The following DLGAP2 variants were observed in gnomAD, a reference collection of about 807,000 sequenced individuals.
DLGAP2 encodes disks large-associated protein 2.
A neutral mutation model predicts 100.3 loss-of-function variants in DLGAP2; 26 were observed. The ratio of observed to expected loss-of-function variants is 0.26; its 90% confidence interval spans 0.19 to 0.36. The LOEUF is 0.36. DLGAP2 is among the 10% of genes least tolerant of loss of function. DLGAP2 has a pLI of 1.00. For missense variants in DLGAP2, 1,858 were observed against 1,453.2 expected (o/e 1.28, Z -4.53); for synonymous variants, 886 against 630.1 (o/e 1.41, Z -6.08).
chr8:1,513,766 A>G lies in DLGAP2; in HGVS notation c.172+12335A>G, dbSNP rs149920807. ...TGTGTAAGTTACAAAAATAATACAG[A>G]GAAATCCTGGGCACCCTTCCCCCAG... is the stretch of plus-strand genomic sequence containing the variant. On this transcript the variant is annotated intron_variant, in intron 4 of 14. Coordinates refer to ENST00000637795, the MANE Select transcript of DLGAP2 (RefSeq NM_001346810.2). 4.5e-3 allele frequency among the ~76,000 whole-genome samples: 683 copies of G among 152,338 alleles called. 3 individuals carry two copies. Among genetic ancestry groups the G allele is most frequent in the East Asian group, 0.012 (62 of 5,192 alleles).
intron 2 of DLGAP2, among the ~76,000 whole-genome samples, chr8:1,042,055 A>C (rs1802370525): frequency 6.6e-6 from 1 of 152,192 alleles, no homozygotes. Flanking sequence ...CAGAACGGCC[A>C]GGGAGTGTCT....
intron 2 of DLGAP2, among the ~76,000 whole-genome samples, chr8:946,409 G>A (rs1449627949): frequency 5.3e-5 from 8 of 151,858 alleles, no homozygotes; most frequent in African/African-American, 1.2e-4. Flanking sequence ...GACTACAGGC[G>A]CCCGCCACCA....
In DLGAP2 at chr8:1,010,853, C is replaced by A. The variant is rs193219598; in HGVS notation, c.73+102887C>A. Among the ~76,000 whole-genome samples, 70 of 152,360 alleles carry A rather than the reference C, an allele frequency of 4.6e-4. 1 individual carries two copies. The highest frequency in any genetic ancestry group is 3.4e-3 in the Middle Eastern group (1 of 294). ...ATCACGGGGCTCCTCTCCTCTGGGT[C>A]CAGCCACAGGCAGGGGCCTGCACAG... On this transcript the variant is annotated intron_variant, in intron 2 of 14. Coordinates refer to ENST00000637795, the MANE Select transcript of DLGAP2 (RefSeq NM_001346810.2).
intron 2 of DLGAP2, among the ~76,000 whole-genome samples, chr8:964,486 A>G (rs1388771912): frequency 3.9e-5 from 6 of 152,252 alleles, no homozygotes; most frequent in Non-Finnish European, 7.3e-5. Flanking sequence ...AAGAACAATT[A>G]TTTCTAACAT....
chr8:1,206,781 T>C (rs1312855252), intron 2 of DLGAP2, among the ~76,000 whole-genome samples: 1 of 152,196 alleles, frequency 6.6e-6, no homozygotes, highest in Non-Finnish European at 1.5e-5. Flanking sequence ...CCATCGCTGC[T>C]ACCATTCTTT....
intron 5 of DLGAP2, among the ~76,000 whole-genome samples, chr8:1,552,301 T>C (rs1051307938): frequency 6.6e-6 from 1 of 152,234 alleles, no homozygotes; most frequent in African/African-American, 2.4e-5. Flanking sequence ...AAGGGCGTTT[T>C]CTTGCAGTAG....
chr8:766,990 C>T (rs1393332391), intron 1 of DLGAP2, among the ~76,000 whole-genome samples: 3 of 152,150 alleles, frequency 2.0e-5, no homozygotes, highest in Non-Finnish European at 2.9e-5. Flanking sequence ...GGTGCACTGG[C>T]GTCAGGCGCC....
chr8:811,339 G>A (rs1796366343), intron 1 of DLGAP2, among the ~76,000 whole-genome samples: 1 of 152,040 alleles, frequency 6.6e-6, no homozygotes, highest in Non-Finnish European at 1.5e-5. Flanking sequence ...GAGGCCACCA[G>A]CTTTCGGATG....
intron 1 of DLGAP2, among the ~76,000 whole-genome samples, chr8:842,040 C>T (rs1256056585): frequency 1.3e-5 from 2 of 152,132 alleles, no homozygotes; most frequent in African/African-American, 2.4e-5. Context: ...CACATGCTCC[C>T]CTGTGTCCTG....
At chr8:1,423,598 C>T (rs6996967) in intron 3 of DLGAP2, among the ~76,000 whole-genome samples, 4 of 152,306 alleles carry the variant, frequency 2.6e-5, no homozygotes, top group South Asian at 4.1e-4. Flanking sequence ...TGAGGGAACA[C>T]GATGTTGGGA....
intron 2 of DLGAP2, among the ~76,000 whole-genome samples, chr8:998,690 T>A (rs1563135729): frequency 6.6e-6 from 1 of 152,200 alleles, no homozygotes; most frequent in Non-Finnish European, 1.5e-5. Flanking sequence ...TGCTTCACGA[T>A]TTCTTCCTAG....
chr8:1,391,399 C>T (rs35089538), intron 3 of DLGAP2, among the ~76,000 whole-genome samples: 3,374 of 152,256 alleles, frequency 0.022, 55 homozygotes, highest in Middle Eastern at 0.044. Context: ...CAGAGGCACG[C>T]GGCTTATCCA....
intron 6 of DLGAP2, among the ~76,000 whole-genome samples, chr8:1,608,376 G>A (rs9772661): frequency 4.0e-4 from 30 of 75,256 alleles, no homozygotes; most frequent in African/African-American, 1.1e-3. Flanking sequence ...CATCCACACC[G>A]AAAACCCATC....
intron 3 of DLGAP2, among the ~76,000 whole-genome samples, chr8:1,417,101 G>A (rs1222076012): frequency 6.7e-5 from 5 of 74,206 alleles, no homozygotes; most frequent in East Asian, 5.5e-4. Flanking sequence ...GGATGGGGGG[G>A]TGGGGGGGAG....
intron 3 of DLGAP2, among the ~76,000 whole-genome samples, chr8:1,292,375 G>T (rs1327687615): frequency 6.6e-6 from 1 of 152,182 alleles, no homozygotes; most frequent in East Asian, 1.9e-4. Flanking sequence ...CCTGGAAACA[G>T]CTCATCCTGC....
intron 2 of DLGAP2, among the ~76,000 whole-genome samples, chr8:1,010,455 CAT>C (rs746015208): frequency 2.1e-4 from 32 of 152,356 alleles, no homozygotes; most frequent in Admixed American, 2.6e-4. Context: ...CATATTCTCA[CAT>C]ATGTGTGCAC....
chr8:1,249,383 T>C (rs965452316), intron 2 of DLGAP2, among the ~76,000 whole-genome samples: 4 of 152,188 alleles, frequency 2.6e-5, no homozygotes, highest in Non-Finnish European at 5.9e-5. Flanking sequence ...ATCTAGTTCC[T>C]TATGTCATCT....
rs571955904 is a variant in DLGAP2 at position 1,536,230 on chromosome 8, C to G, written c.173-12396C>G. Among the ~76,000 whole-genome samples, 3 of 152,248 alleles carry G rather than the reference C, an allele frequency of 2.0e-5. No individual in the cohort carries two copies. The East Asian group carries it at 5.8e-4, about 29-fold the overall frequency. On this transcript the variant is annotated intron_variant, in intron 4 of 14. Coordinates refer to ENST00000637795, the MANE Select transcript of DLGAP2 (RefSeq NM_001346810.2). ...CTTGGGCACCTACAAGCCATCTGAA[C>G]TTGGGAAAGTCACCTTCTTGGAGCA...
chr8:1,354,494 C>T (rs996243751), intron 3 of DLGAP2, among the ~76,000 whole-genome samples: 3 of 152,156 alleles, frequency 2.0e-5, no homozygotes, highest in African/African-American at 7.2e-5. Context: ...GCCTGAGCAA[C>T]AGAGCGAGAC....
Sources: gnomAD v4.1 joint callset for allele counts (sites outside exome capture counted in the v4.1 genomes callset) on GRCh38, gnomAD v4.1.1 for gene constraint, MANE v1.5 for transcripts, NCBI Gene and HGNC (gene_info 2026-07-23, HGNC 2026-07-21) for gene names.